SNU13: variants seen among roughly 807,000 people sequenced by gnomAD.
The protein encoded by SNU13 is NHP2-like protein 1.
Under a neutral mutation model 12.4 loss-of-function variants are expected in SNU13, and 2 were observed. The observed-to-expected ratio is 0.16, with a 90% CI of 0.07 to 0.51. The LOEUF (loss-of-function observed/expected upper bound fraction) is 0.51. Ranked by LOEUF, SNU13 falls within the 20% of genes least tolerant of loss-of-function variation. The pLI is 0.96. For missense variants in SNU13, 66 were observed against 157.8 expected, an observed-to-expected ratio of 0.42 and a Z score of 3.12; for synonymous variants, 68 against 66.5, an observed-to-expected ratio of 1.02 and a Z score of -0.11.
chr22:41,681,883 A>G (rs1203000822), intron 1 of SNU13, among the ~76,000 whole-genome samples: 1 of 152,178 alleles, frequency 6.6e-6, no homozygotes, highest in Non-Finnish European at 1.5e-5. Context: ...TCAATAAATA[A>G]ATAAATACAC....
chr22:41,690,420 C>T (rs1434449001), upstream of SNU13: 1 of 719,382 alleles, frequency 1.4e-6, no homozygotes, highest in Non-Finnish European at 2.6e-6. Flanking sequence ...AACAATTCCC[C>T]AATACTGTCC....
intron 2 of SNU13, among the ~76,000 whole-genome samples, chr22:41,677,672 A>G (rs1464566354): frequency 6.6e-6 from 1 of 152,176 alleles, no homozygotes; most frequent in African/African-American, 2.4e-5. Context: ...AGATCATAGC[A>G]ATCTTGCTGT....
At chr22:41,686,162 T>A (rs1601576502) in intron 1 of SNU13, among the ~76,000 whole-genome samples, 1 of 152,108 alleles carries the variant, frequency 6.6e-6, no homozygotes, top group East Asian at 1.9e-4. Context: ...TAAGTATTGG[T>A]ATAATGGTTT....
chr22:41,680,384 A>G lies in SNU13; in HGVS notation c.4-20T>C. On this transcript the variant is annotated intron_variant, in intron 1 of 2. Transcript: ENST00000401959. ...CTCAGTCTATGGGGGGGACATAAAA[A>G]TATCAGACAAATTGAGCCAGAAGTT... 3 of 1,594,938 alleles carry G rather than the reference A, an allele frequency of 1.9e-6. No homozygotes were observed. The highest frequency in any genetic ancestry group is 2.6e-6 in the Non-Finnish European group (3 of 1,170,360).
intron 1 of SNU13, 136 bp downstream of exon 1, chr22:41,688,658 C>T: frequency 7.8e-7 from 1 of 1,285,678 alleles, no homozygotes; most frequent in Non-Finnish European, 1.1e-6. Flanking sequence ...GGGGTTCTAA[C>T]TAAGGGCCCG....
At chr22:41,682,430 C>A (rs1292174402) in intron 1 of SNU13, 7 of 1,611,872 alleles carry the variant, frequency 4.3e-6, no homozygotes, top group Non-Finnish European at 5.9e-6. Flanking sequence ...CGGTCTGCTG[C>A]CCAGCACCGC....
chr22:41,682,305 C>G, intron 1 of SNU13: 1 of 1,572,208 alleles, frequency 6.4e-7, no homozygotes, highest in Non-Finnish European at 8.8e-7. Context: ...CTCGCGGCAC[C>G]ACAGCTCTCG....
Position 41,674,952 on chromosome 22 carries a change from A to G in SNU13, c.368T>C (p.Ile123Thr). The G allele has an allele frequency of 6.2e-7, 1 of 1,613,882 alleles. No homozygotes were observed. The highest frequency in any genetic ancestry group is 8.5e-7 in the Non-Finnish European group (1 of 1,179,918). Reference sequence around the variant, plus strand: ...ACAGGTTTAGACTAAGAGCCTTTCAATGGACTGCTGAATGGATTGGATCTG... The same window carrying G: ...ACAGGTTTAGACTAAGAGCCTTTCAGTGGACTGCTGAATGGATTGGATCTG... ...KQQIQSIQQS[I>T]ERLLV Residue 123 changes from isoleucine to threonine, a missense_variant, in exon 3 of 3, where the codon ATT becomes ACT. Coordinates refer to ENST00000401959, the MANE Select transcript of SNU13 (RefSeq NM_001003796.2).
upstream of SNU13, chr22:41,688,900 C>T (rs1180373699): frequency 1.2e-5 from 18 of 1,476,650 alleles, no homozygotes; most frequent in Non-Finnish European, 1.5e-5. Flanking sequence ...CGGAAATGGC[C>T]CCGCGCGGCA....
At chr22:41,677,303 T>C (rs1254730724) in intron 2 of SNU13, among the ~76,000 whole-genome samples, 6 of 152,234 alleles carry the variant, frequency 3.9e-5, no homozygotes, top group African/African-American at 1.2e-4. Context: ...GGCAGGTAGA[T>C]TGTTTGAACT....
intron 1 of SNU13, among the ~76,000 whole-genome samples, chr22:41,683,863 A>C (rs552997244): frequency 6.6e-6 from 1 of 152,136 alleles, no homozygotes; most frequent in African/African-American, 2.4e-5. Flanking sequence ...TGCCAAGAAA[A>C]TTTAGGACAT....
Position 41,675,760 on chromosome 22 carries a change from T to C in SNU13, c.125-565A>G, listed in dbSNP as rs570919301. Among the ~76,000 whole-genome samples, 4 of 146,890 alleles carry C rather than the reference T, an allele frequency of 2.7e-5. No individual in the cohort carries two copies. In the South Asian group the frequency reaches 6.4e-4, roughly 23 times the overall value. On this transcript the variant is annotated intron_variant, in intron 2 of 2. Coordinates refer to ENST00000401959, the MANE Select transcript of SNU13 (RefSeq NM_001003796.2). ...TTTTTCTTTCTTTTTTTTTTTTTTT[T>C]CTTTTTTTGAGATGGAGTCTCACAC...
chr22:41,680,205 C>T (rs1569108322), intron 2 of SNU13, 39 bp downstream of exon 2: 1 of 1,587,156 alleles, frequency 6.3e-7, no homozygotes. Context: ...GAAACAGGTG[C>T]CTTTAACATT....
intron 2 of SNU13, chr22:41,679,797 C>T (rs1487445918): frequency 6.6e-6 from 1 of 151,620 alleles, no homozygotes; most frequent in Non-Finnish European, 1.5e-5. Context: ...CATGCAAATT[C>T]GTGAAACGTT....
chr22:41,677,541 A>AAATAAT (rs971696562), intron 2 of SNU13, among the ~76,000 whole-genome samples: 1 of 152,068 alleles, frequency 6.6e-6, no homozygotes, highest in Non-Finnish European at 1.5e-5. Context: ...AAAGTAAAAT[A>AAATAAT]AATAATAATA....
At chr22:41,688,692 G>A (rs1006106631) in intron 1 of SNU13, 102 bp downstream of exon 1, 5 of 1,463,956 alleles carry the variant, frequency 3.4e-6, no homozygotes, top group Non-Finnish European at 4.6e-6. Flanking sequence ...AACGCCGGCG[G>A]ATGAGACGGC....
In SNU13 at chr22:41,675,058, C is replaced by T. The variant is rs1433058969; in HGVS notation, c.262G>A (p.Ala88Thr). Reference sequence around the variant, plus strand: ...GAGACCCCACAGGCTCTCCCCAGGGCCTGCTTGGAGCGCACAAACACGTAG... The same window carrying T: ...GAGACCCCACAGGCTCTCCCCAGGGTCTGCTTGGAGCGCACAAACACGTAG... ...VPYVFVRSKQ[A>T]LGRACGVSRP... Residue 88 changes from alanine to threonine, a missense_variant, in exon 3 of 3, where the codon GCC (alanine) becomes ACC (threonine). By Grantham distance (58) the Ala-to-Thr change is moderately conservative. Transcript: ENST00000401959. 1.9e-6 allele frequency: 3 copies of T among 1,614,212 alleles called. No individual in the cohort carries two copies. The highest frequency in any genetic ancestry group is 1.7e-6 in the Non-Finnish European group (2 of 1,180,040).
At chr22:41,682,808 C>T (rs2068277264) in intron 1 of SNU13, among the ~76,000 whole-genome samples, 1 of 152,078 alleles carries the variant, frequency 6.6e-6, no homozygotes, top group Admixed American at 6.6e-5. Context: ...GCCATCACGG[C>T]CGGCTGATTT....
chr22:41,686,626 G>A (rs570194195), intron 1 of SNU13, among the ~76,000 whole-genome samples: 1 of 148,716 alleles, frequency 6.7e-6, no homozygotes, highest in African/African-American at 2.5e-5. Flanking sequence ...TGATACTACA[G>A]TAGGGATTTT....
Sources: allele counts gnomAD v4.1 joint callset (sites outside exome capture counted in the v4.1 genomes callset), GRCh38; gene constraint gnomAD v4.1.1; transcripts MANE v1.5; gene names NCBI Gene and HGNC (gene_info 2026-07-23, HGNC 2026-07-21).